MARCHF1: variants seen among roughly 807,000 people sequenced by gnomAD.
The protein encoded by MARCHF1 is membrane associated ring-CH-type finger 1.
Under a neutral mutation model 54.2 loss-of-function variants are expected in MARCHF1, and 40 were observed. The ratio of observed to expected loss-of-function variants is 0.74; its 90% CI spans 0.57 to 0.96. The LOEUF (loss-of-function observed/expected upper bound fraction) is 0.96. Ranked by LOEUF, MARCHF1 falls within the 40% of genes least tolerant of loss-of-function variation. The probability of loss-of-function intolerance (pLI) is 0.00; values close to 1 mark genes in which losing one functional copy is unlikely to be tolerated. For synonymous variants in MARCHF1, 236 were observed against 236.3 expected, an observed-to-expected ratio of 1.00 and a Z score of 0.01; for missense variants, 586 against 656.5, an observed-to-expected ratio of 0.89 and a Z score of 1.17.
chr4:163,562,588 C>T (rs1453991509), intron 8 of MARCHF1, among the ~76,000 whole-genome samples: 2 of 152,096 alleles, frequency 1.3e-5, no homozygotes, highest in Non-Finnish European at 2.9e-5. Context: ...AGTCTCATCA[C>T]ACTCTCCCAA....
At chr4:163,615,580 A>T (rs1043808090) in intron 5 of MARCHF1, among the ~76,000 whole-genome samples, 4 of 123,142 alleles carry the variant, frequency 3.2e-5, no homozygotes, top group African/African-American at 1.0e-4. Flanking sequence ...ATTGAAGAGG[A>T]ATAAAAAAAA....
intron 7 of MARCHF1, among the ~76,000 whole-genome samples, chr4:163,591,488 T>C (rs77836275): frequency 0.014 from 2,195 of 152,214 alleles, 49 homozygotes; most frequent in African/African-American, 0.05. Flanking sequence ...TCTGGAATTA[T>C]GAGCTGAATA....
intron 2 of MARCHF1, among the ~76,000 whole-genome samples, chr4:163,998,231 C>T (rs148421053): frequency 1.7e-3 from 254 of 151,422 alleles, no homozygotes; most frequent in South Asian, 5.6e-3. Flanking sequence ...TATTCTCTAT[C>T]TATACTAGGC....
intron 3 of MARCHF1, among the ~76,000 whole-genome samples, chr4:163,923,811 C>A (rs1451252919): frequency 6.6e-6 from 1 of 150,768 alleles, no homozygotes; most frequent in African/African-American, 2.4e-5. Context: ...ATTTAAATCA[C>A]CCGCATCTTA....
chr4:163,585,995 G>A, intron 7 of MARCHF1, 66 bp from the exon 8 acceptor site: 2 of 1,427,924 alleles, frequency 1.4e-6, no homozygotes, highest in Non-Finnish European at 1.9e-6. Context: ...TGTTATTTCT[G>A]CCCTTGCTTA....
chr4:164,095,872 TCTCACACAGTCAGAATAG>T (rs1270059676), intron 2 of MARCHF1, among the ~76,000 whole-genome samples: 1 of 151,974 alleles, frequency 6.6e-6, no homozygotes, highest in Non-Finnish European at 1.5e-5. Flanking sequence ...TGACATACCA[TCTCACACAGTCAGAATAG>T]CTACGATTAA....
At chr4:164,318,844 AAT>A (rs1369529962) in intron 1 of MARCHF1, among the ~76,000 whole-genome samples, 1 of 152,258 alleles carries the variant, frequency 6.6e-6, no homozygotes, top group East Asian at 1.9e-4. Flanking sequence ...AATTGAATTT[AAT>A]ATGAGAATAC....
At position 163,737,204 on chromosome 4, in the gene MARCHF1, ATTTTTTTTAATTT is replaced by A. The variant is rs1190831891; in HGVS notation, c.112-36354_112-36342del. Among the ~76,000 whole-genome samples, 103 of 25,068 alleles carry A rather than the reference ATTTTTTTTAATTT, an allele frequency of 4.1e-3. 13 individuals are homozygous for A. Among genetic ancestry groups the A allele is most frequent in the Non-Finnish European group, 0.011 (84 of 7,948 alleles). 16.4% of individuals were successfully genotyped at this position (25,068 alleles called of 152,430 possible). A position where few individuals can be genotyped will look rare whatever the true frequency, so the allele number is the denominator to read the frequency against. On this transcript the variant is annotated intron_variant, in intron 4 of 9. Transcript: ENST00000514618. ...TTTTCACATATTAGTTTATTTATTT[ATTTTTTTTAATTT>A]TTTTTTTTTTTATTATACTCTAAGT...
chr4:163,662,664 C>T (rs1184791243), intron 5 of MARCHF1, among the ~76,000 whole-genome samples: 1 of 152,028 alleles, frequency 6.6e-6, no homozygotes, highest in Admixed American at 6.6e-5. Flanking sequence ...ATTACACACT[C>T]ACTCAAAAGC....
At chr4:163,537,826 T>C (rs1738590542) in intron 9 of MARCHF1, among the ~76,000 whole-genome samples, 1 of 152,176 alleles carries the variant, frequency 6.6e-6, no homozygotes, top group Non-Finnish European at 1.5e-5. Context: ...AGTGATAAGT[T>C]CTCAGTCTCA....
At chr4:164,055,760 C>A (rs975008678) in intron 2 of MARCHF1, among the ~76,000 whole-genome samples, 1 of 152,156 alleles carries the variant, frequency 6.6e-6, no homozygotes, top group Non-Finnish European at 1.5e-5. Context: ...AAAATGCCTA[C>A]ATATATATGC....
intron 1 of MARCHF1, among the ~76,000 whole-genome samples, chr4:164,181,563 T>C (rs76064654): frequency 0.15 from 22,226 of 152,160 alleles, 2,199 homozygotes; most frequent in African/African-American, 0.26. Context: ...TAAAACCCCC[T>C]GAAATAGTAC....
Position 163,851,464 on chromosome 4 carries a change from C to A in MARCHF1, c.111+2557G>T, listed in dbSNP as rs1446864000. The stretch of plus-strand genomic sequence containing the variant: ...TATTGGGTGTGTGGGAAGTGGATTG[C>A]AAAATGCAGGTAATTTGTTCATGGG... On this transcript the variant is annotated intron_variant, in intron 4 of 9. Coordinates refer to ENST00000514618, the MANE Select transcript of MARCHF1 (RefSeq NM_001394959.1). Among the ~76,000 whole-genome samples the A allele has an allele frequency of 4.6e-5, 7 of 152,154 alleles. No homozygotes were observed. In the East Asian group the frequency reaches 1.3e-3, roughly 29 times the overall value.
chr4:163,995,277 T>C (rs1404513434), intron 2 of MARCHF1, among the ~76,000 whole-genome samples: 7 of 152,108 alleles, frequency 4.6e-5, no homozygotes, highest in Admixed American at 1.3e-4. Flanking sequence ...AAGAGATGCA[T>C]AGAGCAAAAC....
At chr4:163,987,311 C>G (rs188453396) in intron 3 of MARCHF1, among the ~76,000 whole-genome samples, 1 of 152,198 alleles carries the variant, frequency 6.6e-6, no homozygotes, top group Non-Finnish European at 1.5e-5. Flanking sequence ...ATCTCTTGCA[C>G]TAACTTAGAG....
rs1730210537 is a variant in MARCHF1 at position 164,349,357 on chromosome 4, T to C, written c.-323+34513A>G. Among the ~76,000 whole-genome samples, 3 of 152,296 alleles carry C rather than the reference T, an allele frequency of 2.0e-5. No homozygotes were observed. The South Asian group carries it at 6.2e-4, about 32-fold the overall frequency. On this transcript the variant is annotated intron_variant, in intron 1 of 9. Transcript: ENST00000514618. ...TACCTCTGCATTTTTATTCCTCTCA[T>C]CTCCAACAGTATTGTTAAAATAAGA...
At chr4:164,361,214 G>T (rs780057595) in intron 1 of MARCHF1, among the ~76,000 whole-genome samples, 5 of 151,852 alleles carry the variant, frequency 3.3e-5, no homozygotes, top group Non-Finnish European at 7.4e-5. Context: ...CCTCTGCCCT[G>T]CTATCTTTTA....
At chr4:164,205,912 A>G (rs994118745) in intron 1 of MARCHF1, among the ~76,000 whole-genome samples, 16 of 152,212 alleles carry the variant, frequency 1.1e-4, no homozygotes, top group African/African-American at 3.9e-4. Flanking sequence ...TCTTCTGAGC[A>G]GTATACAATT....
chr4:164,371,976 G>A (rs961038316), intron 1 of MARCHF1, among the ~76,000 whole-genome samples: 1 of 152,116 alleles, frequency 6.6e-6, no homozygotes, highest in Non-Finnish European at 1.5e-5. Context: ...GCCTCCTCCT[G>A]CAGGCTGTGC....
Sources: gnomAD v4.1 joint callset for allele counts (sites outside exome capture counted in the v4.1 genomes callset) on GRCh38, gnomAD v4.1.1 for gene constraint, MANE v1.5 for transcripts, NCBI Gene and HGNC (gene_info 2026-07-23, HGNC 2026-07-21) for gene names.